Variants in NEDD4L observed in about 807,000 individuals in gnomAD.
NEDD4L encodes the protein E3 ubiquitin-protein ligase NEDD4-like.
NEDD4L carries 54 observed loss-of-function variants against 148.9 expected under a neutral mutation model. The ratio of observed to expected loss-of-function variants is 0.36; its 90% confidence interval spans 0.29 to 0.45. The LOEUF (loss-of-function observed/expected upper bound fraction) is 0.45, where lower values mean the gene tolerates loss of function less well. Ranked by LOEUF, NEDD4L falls within the 20% of genes least tolerant of loss-of-function variation. NEDD4L has a pLI of 1.00. For missense variants in NEDD4L, 856 were observed against 1,233.8 expected (o/e 0.69, Z 4.59); for synonymous variants, 433 against 440.7 (o/e 0.98, Z 0.22).
intron 1 of NEDD4L, among the ~76,000 whole-genome samples, chr18:58,143,323 A>G: frequency 6.6e-6 from 1 of 152,202 alleles, no homozygotes; most frequent in Non-Finnish European, 1.5e-5. Context: ...AATCCACCTC[A>G]TTAGACAGAG....
chr18:58,344,728 T>TA (rs397754190), intron 16 of NEDD4L, among the ~76,000 whole-genome samples: 3 of 151,928 alleles, frequency 2.0e-5, no homozygotes, highest in Non-Finnish European at 4.4e-5. Flanking sequence ...TCTTTTTTTT[T>TA]ATGTCTTTTT....
At chr18:58,219,355 G>A (rs938392824) in intron 2 of NEDD4L, among the ~76,000 whole-genome samples, 1 of 152,186 alleles carries the variant, frequency 6.6e-6, no homozygotes, top group Non-Finnish European at 1.5e-5. Context: ...CAAGTGAAGT[G>A]TATGGTTATG....
intron 1 of NEDD4L, among the ~76,000 whole-genome samples, chr18:58,145,241 A>G (rs56147943): frequency 0.27 from 40,585 of 152,120 alleles, 5,549 homozygotes; most frequent in African/African-American, 0.32. Context: ...GTGGGGGTCC[A>G]AGTGCCAAGG....
chr18:58,126,047 G>A (rs987948625), intron 1 of NEDD4L, among the ~76,000 whole-genome samples: 1 of 152,212 alleles, frequency 6.6e-6, no homozygotes, highest in Admixed American at 6.5e-5. Context: ...GCATCCTCAC[G>A]GGGCTGACTC....
At chr18:58,244,162 A>G (rs2046972953) in intron 2 of NEDD4L, among the ~76,000 whole-genome samples, 2 of 152,254 alleles carry the variant, frequency 1.3e-5, no homozygotes, top group South Asian at 2.1e-4. Flanking sequence ...TATCTTAGAC[A>G]TTGCAAAATA....
chr18:58,262,828 C>A (rs8096649), intron 5 of NEDD4L, among the ~76,000 whole-genome samples: 3,444 of 152,210 alleles, frequency 0.023, 128 homozygotes, highest in African/African-American at 0.079. Context: ...TGAAAGTTAG[C>A]CCCTGATGTC....
chr18:58,260,985 A>G (rs1568502706), intron 5 of NEDD4L, among the ~76,000 whole-genome samples: 1 of 152,216 alleles, frequency 6.6e-6, no homozygotes, highest in Non-Finnish European at 1.5e-5. Flanking sequence ...TGTCCATGGA[A>G]GTACCTGATT....
In NEDD4L at chr18:58,370,387, C is replaced by T. The variant is rs764821969; in HGVS notation, c.2186-10C>T. The T allele has an allele frequency of 1.3e-5, 21 of 1,576,766 alleles. No homozygotes were observed. The highest frequency in any genetic ancestry group is 1.2e-4 in the African/African-American group (9 of 74,210). ...ACCTGAAACTAAACCCAGTGTTTAC[C>T]GTGTTTTAGGTTTCTTCATTAGACC... On this transcript the variant is annotated splice_polypyrimidine_tract_variant and intron_variant, in intron 22 of 30. Transcript: ENST00000400345.
At chr18:58,109,932 G>T (rs1169039076) in intron 1 of NEDD4L, among the ~76,000 whole-genome samples, 1 of 152,186 alleles carries the variant, frequency 6.6e-6, no homozygotes, top group East Asian at 1.9e-4. Context: ...AGACCAAACT[G>T]ACAGCAGCTT....
At chr18:58,210,235 A>G (rs1012653712) in intron 2 of NEDD4L, among the ~76,000 whole-genome samples, 2 of 152,248 alleles carry the variant, frequency 1.3e-5, no homozygotes, top group Non-Finnish European at 2.9e-5. Context: ...GGAGATATCA[A>G]TAGACTTTAT....
chr18:58,061,002 T>C (rs1977947), intron 1 of NEDD4L, among the ~76,000 whole-genome samples: 122,957 of 152,106 alleles, frequency 0.81, 50,266 homozygotes, highest in East Asian at 1. Context: ...TCAAGTGATG[T>C]ACCGGTCTCG....
chr18:58,230,013 A>G (rs2044930425), intron 2 of NEDD4L, among the ~76,000 whole-genome samples: 3 of 152,230 alleles, frequency 2.0e-5, no homozygotes, highest in African/African-American at 7.2e-5. Flanking sequence ...AACAAACAAA[A>G]AAGGAAAGCT....
chr18:58,368,294 T>C (rs1385540861), intron 22 of NEDD4L, among the ~76,000 whole-genome samples: 1 of 152,238 alleles, frequency 6.6e-6, no homozygotes, highest in Non-Finnish European at 1.5e-5. Flanking sequence ...AAAATAATGT[T>C]ACTGCTTAGC....
At chr18:58,194,528 G>T (rs1355287447) in intron 2 of NEDD4L, among the ~76,000 whole-genome samples, 1 of 152,166 alleles carries the variant, frequency 6.6e-6, no homozygotes, top group African/African-American at 2.4e-5. Flanking sequence ...CCTGTTCTTG[G>T]CCTTGAAGTG....
At chr18:58,292,440 G>A (rs1177031927) in intron 5 of NEDD4L, among the ~76,000 whole-genome samples, 1 of 152,110 alleles carries the variant, frequency 6.6e-6, no homozygotes, top group East Asian at 1.9e-4. Flanking sequence ...CCCCTGGGAG[G>A]GGTGCCCCCA....
intron 5 of NEDD4L, among the ~76,000 whole-genome samples, chr18:58,286,806 A>G (rs1427250802): frequency 6.6e-6 from 1 of 152,220 alleles, no homozygotes; most frequent in Non-Finnish European, 1.5e-5. Flanking sequence ...TTGGGACCAC[A>G]GTGATGAAGA....
chr18:58,050,457 G>A (rs963466462), intron 1 of NEDD4L, among the ~76,000 whole-genome samples: 1 of 151,076 alleles, frequency 6.6e-6, no homozygotes, highest in African/African-American at 2.4e-5. Context: ...GTGACAGAGT[G>A]AGACTCTGTC....
intron 1 of NEDD4L, among the ~76,000 whole-genome samples, chr18:58,163,618 GCCATGT>G (rs778917759): frequency 3.7e-4 from 56 of 152,194 alleles, no homozygotes; most frequent in Non-Finnish European, 7.1e-4. Context: ...TTGAAAGTAG[GCCATGT>G]TTGAAAGAAC....
intron 1 of NEDD4L, among the ~76,000 whole-genome samples, chr18:58,083,056 A>G (rs1410272763): frequency 6.6e-6 from 1 of 152,160 alleles, no homozygotes; most frequent in East Asian, 1.9e-4. Flanking sequence ...TAACAGGTTA[A>G]GATTTCTAAG....
Sources: allele counts gnomAD v4.1 joint callset (sites outside exome capture counted in the v4.1 genomes callset), GRCh38; gene constraint gnomAD v4.1.1; transcripts MANE v1.5; gene names NCBI Gene and HGNC (gene_info 2026-07-23, HGNC 2026-07-21).